The following PSMC1 variants were observed in gnomAD, a reference collection of about 807,000 sequenced individuals.
PSMC1 encodes 26S proteasome regulatory subunit 4.
PSMC1 carries 5 observed loss-of-function variants against 49.8 expected under a neutral mutation model. That is an observed-to-expected ratio of 0.10 (90% CI 0.05 to 0.21). The LOEUF (loss-of-function observed/expected upper bound fraction) is 0.21, where lower values mean the gene tolerates loss of function less well. PSMC1 is among the 10% of genes least tolerant of loss of function. The pLI is 1.00. For synonymous variants in PSMC1, 155 were observed against 192.1 expected, an observed-to-expected ratio of 0.81 and a Z score of 1.60; for missense variants, 181 against 535.7, an observed-to-expected ratio of 0.34 and a Z score of 6.54.
At chr14:90,268,156 T>TA (rs1420172060) in intron 7 of PSMC1, 68 bp from the exon 8 acceptor site, 15 of 1,313,448 alleles carry the variant, frequency 1.1e-5, no homozygotes, top group Non-Finnish European at 1.5e-5. Flanking sequence ...GTGGTAATGA[T>TA]ACGAGTTTTT....
At position 90,273,581 on chromosome 14, in the gene PSMC1, A is replaced by G. The variant is rs1464135190; in HGVS notation, c.*1174A>G. The G allele has an allele frequency of 6.6e-6, 1 of 152,232 alleles. No individual in the cohort carries two copies. The highest frequency in any genetic ancestry group is 2.4e-5 in the African/African-American group (1 of 41,434). The allele number at this position is 152,232 out of a possible 1,614,324, so 9.4% of individuals were successfully genotyped here. A position where few individuals can be genotyped will look rare whatever the true frequency, so the allele number is the denominator to read the frequency against. ...TCAAAAATAAATAAATAAATAAATA[A>G]AAACCACAATTTTATCTCAGTTCTG... is the stretch of plus-strand genomic sequence containing the variant. On this transcript the variant is annotated 3_prime_UTR_variant, in exon 11 of 11. Coordinates refer to ENST00000261303, the MANE Select transcript of PSMC1 (RefSeq NM_002802.3).
chr14:90,265,893 C>A (rs1891500444), intron 7 of PSMC1, among the ~76,000 whole-genome samples: 1 of 151,766 alleles, frequency 6.6e-6, no homozygotes, highest in South Asian at 2.1e-4. Flanking sequence ...CCTGACCCTT[C>A]CTCAAAGATT....
chr14:90,259,211 A>C lies in PSMC1; in HGVS notation c.55A>C (p.Lys19Gln). The change falls in exon 2 of 11, where the codon AAG becomes CAG. Residue 19 changes from lysine (K) to glutamine (Q), a missense_variant and splice_region_variant. By Grantham distance (53) the Lys-to-Gln change is moderately conservative (BLOSUM62 1). Coordinates refer to ENST00000261303, the MANE Select transcript of PSMC1 (RefSeq NM_002802.3). ...TCCTGGAGGTGGCAAGAAGGATGACAAGGTAAATATGCCAGATTTGTCCTG... is the reference window on the plus strand; with the variant it reads ...TCCTGGAGGTGGCAAGAAGGATGACCAGGTAAATATGCCAGATTTGTCCTG... ...HGPGGGKKDD[K>Q]DKKKKYEPPV... 1 of 1,613,926 alleles carries C rather than the reference A, an allele frequency of 6.2e-7. No homozygotes were observed. The highest frequency in any genetic ancestry group is 1.3e-5 in the African/African-American group (1 of 75,056).
intron 1 of PSMC1, among the ~76,000 whole-genome samples, chr14:90,257,098 TATGAC>T (rs1464895135): frequency 2.4e-4 from 37 of 152,268 alleles, no homozygotes; most frequent in African/African-American, 8.9e-4. Flanking sequence ...AAGACGTTGT[TATGAC>T]AGGCGGAGCT....
At chr14:90,260,718 C>T (rs576365914) in intron 3 of PSMC1, among the ~76,000 whole-genome samples, 7 of 151,960 alleles carry the variant, frequency 4.6e-5, no homozygotes, top group African/African-American at 1.2e-4. Context: ...GGCGACAGAG[C>T]GAGACTCCGT....
At chr14:90,265,709 A>AT (rs1486203813) in intron 7 of PSMC1, among the ~76,000 whole-genome samples, 1 of 140,788 alleles carries the variant, frequency 7.1e-6, no homozygotes, top group African/African-American at 2.6e-5. Context: ...AAAAAAAAAG[A>AT]TTAGGTGGGC....
rs765873731 is a variant in PSMC1, at chr14:90,259,256, A to C, written c.57+43A>C. 3 of 1,586,674 alleles carry C rather than the reference A, an allele frequency of 1.9e-6. No homozygotes were observed. The Admixed American group carries it at 5.1e-5, about 27-fold the overall frequency. On this transcript the variant is annotated intron_variant, in intron 2 of 10. Transcript: ENST00000261303. ...GTCCTGTGATATGAGCAAATTGTGG[A>C]AAATGTCATGGGTCTCGGCTGAGAA...
In PSMC1 at chr14:90,274,851, T is replaced by C. The variant is rs552894171; in HGVS notation, c.*2444T>C. ...ACACACACACACACCCCAATACATA[T>C]GAATTGATCTGAAAGTTTGCTGAGG... On this transcript the variant is annotated 3_prime_UTR_variant, in exon 11 of 11. Coordinates refer to ENST00000261303, the MANE Select transcript of PSMC1 (RefSeq NM_002802.3). The C allele has an allele frequency of 1.1e-4, 16 of 146,100 alleles. No homozygotes were observed. The East Asian group carries it at 1.3e-3, about 12-fold the overall frequency. The allele number at this position is 146,100 out of a possible 1,614,324, so 9.1% of individuals were successfully genotyped here.
intron 1 of PSMC1, among the ~76,000 whole-genome samples, chr14:90,256,933 T>G (rs1891306154): frequency 6.6e-6 from 1 of 151,984 alleles, no homozygotes; most frequent in African/African-American, 2.4e-5. Context: ...CGCTGGGAGT[T>G]TCGGGGGCGC....
At position 90,259,403 on chromosome 14, in the gene PSMC1, C is replaced by T. The variant is rs185141410; in HGVS notation, c.57+190C>T. On this transcript the variant is annotated intron_variant, in intron 2 of 10. Transcript: ENST00000261303. ...TAGAAAAGGTTATTGACCTAACCATCAGATAGGTATTTATGAGTTATTTAT... is the reference window on the plus strand; with the variant it reads ...TAGAAAAGGTTATTGACCTAACCATTAGATAGGTATTTATGAGTTATTTAT... 1.4e-3 allele frequency among the ~76,000 whole-genome samples: 214 copies of T among 152,248 alleles called. 1 individual carries two copies. The highest frequency in any genetic ancestry group is 4.4e-3 in the African/African-American group (181 of 41,538).
At chr14:90,259,278 A>C in intron 2 of PSMC1, 65 bp downstream of exon 2, 1 of 1,503,392 alleles carries the variant, frequency 6.7e-7, no homozygotes, top group Non-Finnish European at 9.2e-7. Context: ...GTCTCGGCTG[A>C]GAAGTTCTGT....
chr14:90,265,344 A>G (rs1004881334), intron 7 of PSMC1, among the ~76,000 whole-genome samples, 178 bp downstream of exon 7: 3 of 97,130 alleles, frequency 3.1e-5, no homozygotes, highest in African/African-American at 8.7e-5. Context: ...ATACTGATGG[A>G]AAAAAAAAAA....
intron 7 of PSMC1, among the ~76,000 whole-genome samples, chr14:90,266,214 C>G (rs1891509630): frequency 6.6e-6 from 1 of 151,502 alleles, no homozygotes; most frequent in Non-Finnish European, 1.5e-5. Flanking sequence ...GAGATCGTGC[C>G]ACTGCACTCC....
In PSMC1 at chr14:90,263,654, A is replaced by G; in HGVS notation, c.280-8A>G. Reference sequence around the variant, plus strand: ...TCTGCTTTTTTCCCTTGGCATTTTCATATGTAGGAGGAAAGATCAAAAGTG... The same window carrying G: ...TCTGCTTTTTTCCCTTGGCATTTTCGTATGTAGGAGGAAAGATCAAAAGTG... On this transcript the variant is annotated splice_region_variant and splice_polypyrimidine_tract_variant and intron_variant, in intron 4 of 10. Coordinates refer to ENST00000261303, the MANE Select transcript of PSMC1 (RefSeq NM_002802.3). 1 of 1,612,334 alleles carries G rather than the reference A, an allele frequency of 6.2e-7. No homozygotes were observed.
At chr14:90,257,533 C>A (rs758580793) in intron 1 of PSMC1, among the ~76,000 whole-genome samples, 6 of 152,166 alleles carry the variant, frequency 3.9e-5, no homozygotes, top group Non-Finnish European at 8.8e-5. Context: ...GTGCAAAGGA[C>A]CTGAGATGGG....
Position 90,265,514 on chromosome 14 carries a change from C to T in PSMC1, c.691+348C>T, listed in dbSNP as rs1284987706. 5.9e-5 allele frequency among the ~76,000 whole-genome samples: 9 copies of T among 151,878 alleles called. No homozygotes were observed. The South Asian group carries it at 1.5e-3, about 25-fold the overall frequency. ...GACCAGCCTGGCCAATGTGGTGAAACCCCGTCTCTACTAAAAATACAAAAA... is the reference window on the plus strand; with the variant it reads ...GACCAGCCTGGCCAATGTGGTGAAATCCCGTCTCTACTAAAAATACAAAAA... On this transcript the variant is annotated intron_variant, in intron 7 of 10. Transcript: ENST00000261303.
rs1891695172 is a variant in PSMC1, at chr14:90,272,469, G to T, written c.*62G>T. 1.6e-6 allele frequency: 2 copies of T among 1,260,124 alleles called. No individual in the cohort carries two copies. The highest frequency in any genetic ancestry group is 1.1e-6 in the Non-Finnish European group (1 of 916,216). The allele number at this position is 1,260,124 out of a possible 1,614,324, so 78.1% of individuals were successfully genotyped here. On this transcript the variant is annotated 3_prime_UTR_variant, in exon 11 of 11. Coordinates refer to ENST00000261303, the MANE Select transcript of PSMC1 (RefSeq NM_002802.3). This position sits in a 1 kb window ranked among gnomAD's most constrained non-coding sequence, Gnocchi z 4.5. ...TTTCTCAATCCCTGAAAGGGATGAG[G>T]TTGGGGGAGTTGCCCAGAGGAATCC...
intron 3 of PSMC1, among the ~76,000 whole-genome samples, chr14:90,262,146 T>G (rs1891411014): frequency 1.8e-5 from 1 of 55,012 alleles, no homozygotes; most frequent in African/African-American, 6.2e-5. Flanking sequence ...CTGGGGCCTG[T>G]CGTGGGGTGG....
At chr14:90,256,708 TCTC>T (rs759503405) in intron 1 of PSMC1, 108 bp downstream of exon 1, 475 of 1,504,430 alleles carry the variant, frequency 3.2e-4, no homozygotes, top group Non-Finnish European at 4.0e-4. Flanking sequence ...ACAGCCCTCT[TCTC>T]CTTTTGCCGG....
Sources: allele counts gnomAD v4.1 joint callset (sites outside exome capture counted in the v4.1 genomes callset), GRCh38; gene constraint gnomAD v4.1.1; non-coding constraint Gnocchi (gnomAD v3.1); transcripts MANE v1.5; gene names NCBI Gene and HGNC (gene_info 2026-07-23, HGNC 2026-07-21).